The following IAH1 variants were observed in gnomAD, a reference collection of about 807,000 sequenced individuals.
IAH1 encodes isoamyl acetate-hydrolyzing esterase 1 homolog.
A neutral mutation model predicts 26.7 loss-of-function variants in IAH1; 24 were observed. The ratio of observed to expected loss-of-function variants is 0.90; its 90% CI spans 0.65 to 1.26. The LOEUF is 1.26. IAH1 is among the 50% of genes most tolerant of loss of function. The pLI is 0.00. For missense variants in IAH1, 300 were observed against 299.9 expected (o/e 1.00, Z 0.00); for synonymous variants, 140 against 118.5 (o/e 1.18, Z -1.18).
chr2:9,487,062 A>G (rs987503381), intron 5 of IAH1, among the ~76,000 whole-genome samples: 23 of 152,098 alleles, frequency 1.5e-4, no homozygotes, highest in Non-Finnish European at 1.8e-4. Flanking sequence ...TGAGAGACCC[A>G]TCTCTACAAA....
At chr2:9,475,892 A>C (rs1296405140) in intron 1 of IAH1, 95 bp from the exon 2 acceptor site, 2 of 1,004,406 alleles carry the variant, frequency 2.0e-6, no homozygotes, top group Non-Finnish European at 3.1e-6. Context: ...CCAAGAAGGG[A>C]GCGCCGAGAA....
At chr2:9,503,400 A>G in the IAH1 span, among the ~76,000 whole-genome samples, 830 of 152,300 alleles carry the variant, frequency 5.4e-3, 9 homozygotes, top group African/African-American at 0.019. Flanking sequence ...CTTCCTCCAC[A>G]CTATTCCAGT....
chr2:9,504,082 T>G, the IAH1 span, among the ~76,000 whole-genome samples: 1 of 150,908 alleles, frequency 6.6e-6, no homozygotes, highest in African/African-American at 2.4e-5. Flanking sequence ...GCCTGGGAGG[T>G]TGAGGCTGCA....
At chr2:9,475,326 A>G in intron 1 of IAH1, 1 of 645,322 alleles carries the variant, frequency 1.5e-6, no homozygotes. Flanking sequence ...TGGTAACATT[A>G]TGTTTAGGCA....
downstream of IAH1, chr2:9,492,824 T>C (rs952581832): frequency 2.3e-6 from 3 of 1,327,828 alleles, no homozygotes; most frequent in African/African-American, 1.5e-5. Context: ...GTTTTACCTT[T>C]TCCAGAGATT....
At chr2:9,493,984 A>C (rs982943971), downstream of IAH1, among the ~76,000 whole-genome samples, 5 of 152,240 alleles carry the variant, frequency 3.3e-5, no homozygotes, top group African/African-American at 1.2e-4. Flanking sequence ...ATGAGTACCC[A>C]AGAAAGTAGA....
At chr2:9,479,024 G>GC (rs1660988335) in intron 3 of IAH1, among the ~76,000 whole-genome samples, 1 of 152,168 alleles carries the variant, frequency 6.6e-6, no homozygotes, top group Non-Finnish European at 1.5e-5. Context: ...GCTGTGGTCT[G>GC]CTATTCACGG....
chr2:9,495,724 AG>A (rs1226430475), intron 6 of IAH1, among the ~76,000 whole-genome samples: 1 of 150,824 alleles, frequency 6.6e-6, no homozygotes. Flanking sequence ...AAAAAAAAAA[AG>A]AAAACCTTTT....
At chr2:9,490,162 G>T, downstream of IAH1, 1 of 1,577,112 alleles carries the variant, frequency 6.3e-7, no homozygotes, top group South Asian at 1.1e-5. Flanking sequence ...TAAGTCAGAA[G>T]AGCTGAGAAC....
chr2:9,493,064 C>A (rs906292291), downstream of IAH1: 7 of 1,231,314 alleles, frequency 5.7e-6, no homozygotes, highest in African/African-American at 4.6e-5. Context: ...AGGATATTAC[C>A]ATTGTGTCAA....
At position 9,484,415 on chromosome 2, in the gene IAH1, T is replaced by C; in HGVS notation, c.446-17T>C. On this transcript the variant is annotated splice_polypyrimidine_tract_variant and intron_variant, in intron 4 of 5. Transcript: ENST00000497473. Reference sequence around the variant, plus strand: ...TTGGGTTTACCAACTGCCACCTCTATTTCTTCTCTTCAATAGGTTGCAAAC... The same window carrying C: ...TTGGGTTTACCAACTGCCACCTCTACTTCTTCTCTTCAATAGGTTGCAAAC... 1.3e-6 allele frequency: 2 copies of C among 1,598,832 alleles called. No homozygotes were observed. Among genetic ancestry groups the C allele is most frequent in the Non-Finnish European group, 1.7e-6 (2 of 1,166,006 alleles).
At chr2:9,509,869 T>A in the IAH1 span, 1 of 1,392,324 alleles carries the variant, frequency 7.2e-7, no homozygotes, top group East Asian at 2.3e-5. Context: ...AATTTGCACA[T>A]CCATCCCTAG....
chr2:9,487,841 C>CGT (rs1558485192), intron 5 of IAH1, among the ~76,000 whole-genome samples: 6 of 137,448 alleles, frequency 4.4e-5, no homozygotes, highest in Admixed American at 2.1e-4. Flanking sequence ...TGTGCGCGCG[C>CGT]GCGCGCGCGC....
At chr2:9,479,462 TAGAAAATGTAGGC>T (rs1392009500) in intron 3 of IAH1, among the ~76,000 whole-genome samples, 2 of 152,150 alleles carry the variant, frequency 1.3e-5, no homozygotes, top group Non-Finnish European at 2.9e-5. Context: ...CCAACTCCAA[TAGAAAATGTAGGC>T]AAAGGACAGG....
At chr2:9,505,667 A>G in the IAH1 span, 970 of 366,482 alleles carry the variant, frequency 2.6e-3, 7 homozygotes, top group African/African-American at 0.019. Flanking sequence ...CCACTTAAGG[A>G]CAAGCAGAAT....
rs1445799542 is a variant in IAH1 at position 9,481,444 on chromosome 2, C to G, written c.442C>G (p.Gln148Glu). The G allele has an allele frequency of 1.2e-6, 2 of 1,614,066 alleles. No homozygotes were observed. Among genetic ancestry groups the G allele is most frequent in the Admixed American group, 3.3e-5 (2 of 60,008 alleles). ...AGCCTGGGAAGAACAGTGCATCATACAAGGTAAACAAACCACAGCCAATCT... is the reference window on the plus strand; with the variant it reads ...AGCCTGGGAAGAACAGTGCATCATAGAAGGTAAACAAACCACAGCCAATCT... ...ETAWEEQCII[Q>E]GCKLNRLNSV... is the part of the protein sequence containing the mutation. Residue 148 changes from glutamine (Q) to glutamate (E), a missense_variant, in exon 4 of 6, where the codon CAA becomes GAA. Physicochemically the swap from Gln to Glu is conservative, Grantham distance 29 (BLOSUM62 2). Coordinates refer to ENST00000497473, the MANE Select transcript of IAH1 (RefSeq NM_001039613.3).
the IAH1 span, among the ~76,000 whole-genome samples, chr2:9,512,046 A>AG: frequency 2.4e-4 from 36 of 151,750 alleles, no homozygotes; most frequent in South Asian, 1.0e-3. Flanking sequence ...TTTTTTCCTA[A>AG]GGGGGGGAAA....
At chr2:9,473,825 A>T (rs537356848), upstream of IAH1, 1 of 152,206 alleles carries the variant, frequency 6.6e-6, no homozygotes, top group South Asian at 2.1e-4. Flanking sequence ...ACTCATCTAC[A>T]GCTCCGTGAT....
At chr2:9,484,030 G>A (rs1453418190) in intron 4 of IAH1, among the ~76,000 whole-genome samples, 2 of 152,214 alleles carry the variant, frequency 1.3e-5, no homozygotes, top group Non-Finnish European at 2.9e-5. Context: ...TCAGCGCAGC[G>A]TTCAGCTTCC....
Sources: allele counts gnomAD v4.1 joint callset (sites outside exome capture counted in the v4.1 genomes callset), GRCh38; gene constraint gnomAD v4.1.1; transcripts MANE v1.5; gene names NCBI Gene and HGNC (gene_info 2026-07-23, HGNC 2026-07-21).